Variants in DEFB109B observed in about 807,000 individuals in gnomAD.
DEFB109B encodes defensin beta 109B.
At chr8:7,316,158 G>C (rs1164771587) in intron 1 of DEFB109B, among the ~76,000 whole-genome samples, 2 of 3,604 alleles carry the variant, frequency 5.5e-4, no homozygotes, top group African/African-American at 4.2e-3. Context: ...ACATTACTGA[G>C]TACCCAATTC....
At chr8:7,315,992 G>C (rs1802895669) in intron 1 of DEFB109B, among the ~76,000 whole-genome samples, 1 of 42,406 alleles carries the variant, frequency 2.4e-5, no homozygotes, top group Non-Finnish European at 3.8e-5. Context: ...TGATATTTAT[G>C]GAATTCCAAG....
At chr8:7,312,390 G>T (rs1472250970), upstream of DEFB109B, among the ~76,000 whole-genome samples, 5 of 137,834 alleles carry the variant, frequency 3.6e-5, no homozygotes, top group African/African-American at 1.7e-4. Context: ...ATTTGGAGGT[G>T]ATGGATATAT....
upstream of DEFB109B, among the ~76,000 whole-genome samples, chr8:7,312,191 G>A (rs952537841): frequency 6.1e-5 from 8 of 130,476 alleles, no homozygotes; most frequent in South Asian, 2.2e-4. Flanking sequence ...ACTGAGTGGG[G>A]AAAGAGCAAT....
upstream of DEFB109B, among the ~76,000 whole-genome samples, chr8:7,312,440 T>C (rs1181833782): frequency 7.1e-6 from 1 of 141,728 alleles, no homozygotes; most frequent in African/African-American, 3.1e-5. Context: ...ATAATACTTA[T>C]GTGCAAACTT....
At chr8:7,319,317 A>C (rs1273258345) in intron 1 of DEFB109B, 1 of 144,840 alleles carries the variant, frequency 6.9e-6, no homozygotes, top group East Asian at 1.9e-4. Context: ...TGCTGAAATC[A>C]GCATACCTGA....
upstream of DEFB109B, among the ~76,000 whole-genome samples, chr8:7,309,672 G>A (rs908618490): frequency 9.1e-4 from 134 of 147,832 alleles, 9 homozygotes; most frequent in African/African-American, 3.3e-3. Context: ...TGGTGATTCT[G>A]TGTAGGACTT....
Position 7,319,160 on chromosome 8 carries a change from T to C in DEFB109B, n.59-586T>C, listed in dbSNP as rs1041171054. 7.7e-5 allele frequency: 10 copies of C among 130,602 alleles called. 3 individuals are homozygous for C. The highest frequency in any genetic ancestry group is 3.7e-4 in the African/African-American group (10 of 27,270). The allele number at this position is 130,602 out of a possible 1,614,324, so 8.1% of individuals were successfully genotyped here. A position where few individuals can be genotyped will look rare whatever the true frequency, so the allele number is the denominator to read the frequency against. On this transcript the variant is annotated intron_variant and non_coding_transcript_variant, in intron 1 of 1. Coordinates refer to ENST00000382656, the Ensembl canonical transcript of DEFB109B. ...CCAAAGAAAAAAAATATATAGATAG[T>C]TATGTACAAACCAAAATAGCACTGG...
rs1311067938 is a variant in DEFB109B at position 7,315,921 on chromosome 8, A to AAGTTC, written n.58+3020_58+3024dup. 3.7e-3 allele frequency among the ~76,000 whole-genome samples: 337 copies of AAGTTC among 90,222 alleles called. 18 individuals carry two copies. The highest frequency in any genetic ancestry group is 0.021 in the African/African-American group (316 of 15,220). 59.2% of individuals were successfully genotyped at this position (90,222 alleles called of 152,430 possible). ...CTTTCTAAATTCTAAACAAAAGTAA[A>AAGTTC]AGTTCACTTCTTTCCAGAATCCCCC... is the stretch of plus-strand genomic sequence containing the variant. On this transcript the variant is annotated intron_variant and non_coding_transcript_variant, in intron 1 of 1. Coordinates refer to ENST00000382656, the Ensembl canonical transcript of DEFB109B.
At chr8:7,315,536 AAGAG>A (rs1196809618) in intron 1 of DEFB109B, among the ~76,000 whole-genome samples, 2 of 137,392 alleles carry the variant, frequency 1.5e-5, no homozygotes, top group South Asian at 4.4e-4. Flanking sequence ...TAAAGAAAGA[AAGAG>A]AAAGAAAGAA....
exon 2 of DEFB109B, chr8:7,319,929 C>A (rs1185417960): frequency 1.2e-4 from 9 of 72,262 alleles, no homozygotes; most frequent in African/African-American, 7.8e-4. Context: ...TATCAAGAAC[C>A]CCTTAAACCT....
chr8:7,319,443 A>AT (rs918272556), intron 1 of DEFB109B: 6 of 142,278 alleles, frequency 4.2e-5, no homozygotes, highest in Admixed American at 2.0e-4. Flanking sequence ...AGACACTGGC[A>AT]TTTTTTGCCA....
chr8:7,313,285 AG>A (rs1276136657), intron 1 of DEFB109B, among the ~76,000 whole-genome samples: 1 of 145,988 alleles, frequency 6.8e-6, no homozygotes, highest in East Asian at 2.0e-4. Flanking sequence ...TAGATCTGAC[AG>A]GATTGAATTT....
chr8:7,313,831 C>G (rs540193374), intron 1 of DEFB109B, among the ~76,000 whole-genome samples: 1 of 127,330 alleles, frequency 7.9e-6, no homozygotes, highest in African/African-American at 4.6e-5. Flanking sequence ...TTTATAATAA[C>G]CTGGCAACAC....
intron 1 of DEFB109B, among the ~76,000 whole-genome samples, chr8:7,316,740 C>T (rs1802961443): frequency 7.0e-6 from 1 of 142,086 alleles, no homozygotes; most frequent in Non-Finnish European, 1.5e-5. Flanking sequence ...GATTCTCCTG[C>T]CTCAGCCTCC....
intron 1 of DEFB109B, among the ~76,000 whole-genome samples, chr8:7,315,680 C>G (rs890566747): frequency 7.5e-6 from 1 of 133,672 alleles, no homozygotes; most frequent in Non-Finnish European, 1.5e-5. Flanking sequence ...TCCTTCTTAT[C>G]TCCATCAAGG....
intron 1 of DEFB109B, chr8:7,318,475 AT>A (rs1803082000): frequency 3.9e-5 from 4 of 102,972 alleles, no homozygotes; most frequent in Admixed American, 8.8e-5. Flanking sequence ...TGAAAAAAAA[AT>A]AAAATAATGT....
At chr8:7,319,631 T>A (rs1339744486) in intron 1 of DEFB109B, 115 bp from the exon 2 acceptor site, 6 of 143,904 alleles carry the variant, frequency 4.2e-5, no homozygotes, top group South Asian at 2.1e-4. Context: ...AGCAACCATG[T>A]CAAGAGCTCC....
Position 7,319,873 on chromosome 8 carries a change from A to AGAAGG in DEFB109B, n.186_187insGAAGG, listed in dbSNP as rs1271335332. 62 of 75,108 alleles carry AGAAGG rather than the reference A, an allele frequency of 8.3e-4. 1 individual carries two copies. Among genetic ancestry groups the AGAAGG allele is most frequent in the African/African-American group, 5.0e-3 (61 of 12,154 alleles). 4.7% of individuals were successfully genotyped at this position (75,108 alleles called of 1,614,324 possible). Reference sequence around the variant, plus strand: ...GAAGAAGGATGAAGTGCTGTAGAGCATGGTGGATTTTAATGCCAATTCCAA... The same window carrying AGAAGG: ...GAAGAAGGATGAAGTGCTGTAGAGCAGAAGGTGGTGGATTTTAATGCCAATTCCAA... On this transcript the variant is annotated non_coding_transcript_exon_variant, in exon 2 of 2. Coordinates refer to ENST00000382656, the Ensembl canonical transcript of DEFB109B.
At chr8:7,316,726 A>C (rs1585317260) in intron 1 of DEFB109B, among the ~76,000 whole-genome samples, 1 of 143,762 alleles carries the variant, frequency 7.0e-6, no homozygotes, top group Non-Finnish European at 1.5e-5. Context: ...TCCTGGGTTC[A>C]AGTGATTCTC....
Sources: gnomAD v4.1 joint callset for allele counts (sites outside exome capture counted in the v4.1 genomes callset) on GRCh38, gnomAD v4.1.1 for gene constraint, MANE v1.5 for transcripts, NCBI Gene and HGNC (gene_info 2026-07-23, HGNC 2026-07-21) for gene names.